FUBP1: variants seen among roughly 807,000 people sequenced by gnomAD.
FUBP1 encodes far upstream element-binding protein 1.
A neutral mutation model predicts 94.9 loss-of-function variants in FUBP1; 16 were observed. The ratio of observed to expected loss-of-function variants is 0.17; its 90% CI spans 0.11 to 0.26. The LOEUF (loss-of-function observed/expected upper bound fraction) is 0.26. FUBP1 is among the 10% of genes least tolerant of loss of function. The pLI, the probability that FUBP1 is intolerant of heterozygous loss-of-function variation, is 1.00. For missense variants in FUBP1, 583 were observed against 808.6 expected, an observed-to-expected ratio of 0.72 and a Z score of 3.38; for synonymous variants, 279 against 254.9, an observed-to-expected ratio of 1.09 and a Z score of -0.90.
At chr1:77,952,143 C>A (rs1400198618) in intron 18 of FUBP1, among the ~76,000 whole-genome samples, 1 of 151,960 alleles carries the variant, frequency 6.6e-6, no homozygotes, top group Non-Finnish European at 1.5e-5. Flanking sequence ...GAGGCTGAGG[C>A]AGAAGAATTG....
At chr1:77,963,775 A>AAAATTATT in intron 12 of FUBP1, 60 bp from the exon 13 acceptor site, 1 of 1,415,620 alleles carries the variant, frequency 7.1e-7, no homozygotes, top group Non-Finnish European at 9.7e-7. Context: ...GTTTCATGAT[A>AAAATTATT]AAATTATTAA....
At chr1:77,978,840 A>G (rs368822573) in intron 1 of FUBP1, 45 bp downstream of exon 1, 1 of 1,612,278 alleles carries the variant, frequency 6.2e-7, no homozygotes, top group South Asian at 1.1e-5. Flanking sequence ...GTCAGCGGCC[A>G]ATTACCGTGA....
chr1:77,964,428 A>G, intron 10 of FUBP1, 72 bp from the exon 11 acceptor site: 2 of 947,662 alleles, frequency 2.1e-6, no homozygotes, highest in Non-Finnish European at 3.2e-6. Context: ...GTATTTTAAA[A>G]AAGCGCCATT....
chr1:77,963,537 T>G, intron 13 of FUBP1, 37 bp downstream of exon 13: 1 of 1,238,928 alleles, frequency 8.1e-7, no homozygotes, highest in Non-Finnish European at 1.2e-6. Context: ...GAAAAATGAA[T>G]AATGTGTTAA....
chr1:77,965,198 T>C lies in FUBP1; in HGVS notation c.507A>G (p.Glu169=). 1 of 1,610,372 alleles carries C rather than the reference T, an allele frequency of 6.2e-7. No homozygotes were observed. The highest frequency in any genetic ancestry group is 2.2e-5 in the East Asian group (1 of 44,726). The change falls in exon 8 of 20, where the codon GAA becomes GAG. Residue 169 remains glutamate (E), a synonymous_variant. Transcript: ENST00000370768. ...SAKRLLDQIV[E]KGRPAPGFHH... Reference sequence around the variant, plus strand: ...GGAAGCCAGGAGCTGGTCTTCCTTTTTCAACAATCTGGTCCAGTAACCGTT... The same window carrying C: ...GGAAGCCAGGAGCTGGTCTTCCTTTCTCAACAATCTGGTCCAGTAACCGTT...
At chr1:77,953,456 A>C (rs998969961) in intron 18 of FUBP1, among the ~76,000 whole-genome samples, 4 of 152,184 alleles carry the variant, frequency 2.6e-5, no homozygotes, top group African/African-American at 9.7e-5. Flanking sequence ...GCGCCACCGC[A>C]CTCCAGCCTG....
chr1:77,948,754 G>A lies in FUBP1; in HGVS notation c.*12C>T. 1 of 1,609,038 alleles carries A rather than the reference G, an allele frequency of 6.2e-7. No homozygotes were observed. The highest frequency in any genetic ancestry group is 1.1e-5 in the South Asian group (1 of 90,758). ...CACACAATGAAGCAAATACTGTATT[G>A]TCCACTTCTTATTATTGGCCCTGTG... On this transcript the variant is annotated 3_prime_UTR_variant, in exon 20 of 20. Coordinates refer to ENST00000370768, the MANE Select transcript of FUBP1 (RefSeq NM_003902.5).
intron 14 of FUBP1, 87 bp from the exon 15 acceptor site, chr1:77,960,582 C>T (rs1655270579): frequency 2.8e-6 from 3 of 1,088,160 alleles, no homozygotes; most frequent in Admixed American, 3.3e-5. Context: ...CCATTTCTAC[C>T]CTCTTATAGT....
In FUBP1 at chr1:77,964,117, G is replaced by A. The variant is rs1246119488; in HGVS notation, c.986C>T (p.Pro329Leu). 6.2e-7 allele frequency: 1 copy of A among 1,609,124 alleles called. No individual in the cohort carries two copies. The highest frequency in any genetic ancestry group is 8.5e-7 in the Non-Finnish European group (1 of 1,175,432). The change falls in exon 12 of 20, where the codon CCA (proline) becomes CTA (leucine). Residue 329 changes from proline (P) to leucine (L), a missense_variant. Pro to Leu is a moderately conservative substitution (Grantham distance 98). Transcript: ENST00000370768. ...TTCTGCAGCATGTTGACATCGGTCT[G>A]GAGGTCCTGTTATTTGTGCTATCCT... Reference protein sequence around the residue: ...PERIAQITGPPDRCQHAAEII... With the variant: ...PERIAQITGPLDRCQHAAEII...
chr1:77,957,570 T>A (rs890247216), intron 16 of FUBP1, among the ~76,000 whole-genome samples: 1 of 152,230 alleles, frequency 6.6e-6, no homozygotes, highest in Non-Finnish European at 1.5e-5. Flanking sequence ...TCTTTTATAC[T>A]AGGAATACCA....
Position 77,949,447 on chromosome 1 carries a change from C to A in FUBP1, c.1781-147G>T, listed in dbSNP as rs536275807. On this transcript the variant is annotated intron_variant, in intron 18 of 19. Coordinates refer to ENST00000370768, the MANE Select transcript of FUBP1 (RefSeq NM_003902.5). ...TGCCCTTGTTGACCAAAAAAAAAAA[C>A]CCCTAAACTTTAATATAAAATTACA... is the stretch of plus-strand genomic sequence containing the variant. 5.0e-3 allele frequency: 2,844 copies of A among 573,924 alleles called. 8 individuals are homozygous for A. Among genetic ancestry groups the A allele is most frequent in the Non-Finnish European group, 5.5e-3 (1,823 of 331,358 alleles). The allele number at this position is 573,924 out of a possible 1,614,324, so 35.6% of individuals were successfully genotyped here.
chr1:77,958,952 T>G (rs1654964677), intron 16 of FUBP1, among the ~76,000 whole-genome samples: 1 of 152,210 alleles, frequency 6.6e-6, no homozygotes, highest in Admixed American at 6.5e-5. Context: ...CCATCAGTGT[T>G]GCTTACGCTG....
chr1:77,958,173 T>C (rs1032976914), intron 16 of FUBP1, among the ~76,000 whole-genome samples: 63 of 152,360 alleles, frequency 4.1e-4, no homozygotes, highest in South Asian at 2.3e-3. Context: ...AAACAGACTT[T>C]AGGAAGTGGT....
At chr1:77,961,313 T>A (rs1056067567) in intron 14 of FUBP1, among the ~76,000 whole-genome samples, 1 of 152,228 alleles carries the variant, frequency 6.6e-6, no homozygotes, top group Non-Finnish European at 1.5e-5. Context: ...AATTTCTCAC[T>A]GCAAAATAGG....
At chr1:77,955,122 T>G (rs1654207487) in intron 18 of FUBP1, 133 bp downstream of exon 18, 1 of 563,058 alleles carries the variant, frequency 1.8e-6, no homozygotes, top group African/African-American at 2.0e-5. Context: ...ACCACAAATT[T>G]AAAAACTATA....
Position 77,947,501 on chromosome 1 carries a change from G to T in FUBP1, c.*1265C>A. 1 of 1,332,356 alleles carries T rather than the reference G, an allele frequency of 7.5e-7. No individual in the cohort carries two copies. The highest frequency in any genetic ancestry group is 9.9e-7 in the Non-Finnish European group (1 of 1,008,170). 82.5% of individuals were successfully genotyped at this position (1,332,356 alleles called of 1,614,324 possible). On this transcript the variant is annotated 3_prime_UTR_variant, in exon 20 of 20. Transcript: ENST00000370768. The stretch of plus-strand genomic sequence containing the variant: ...ACAATCAAGGATGATACACAGCACA[G>T]TCCTCCTCACCCCTACAGAGCTAGT...
intron 16 of FUBP1, among the ~76,000 whole-genome samples, chr1:77,959,463 T>C (rs2102338223): frequency 6.6e-6 from 1 of 152,320 alleles, no homozygotes; most frequent in African/African-American, 2.4e-5. Flanking sequence ...AGATATCTTA[T>C]TTGACAATTT....
intron 1 of FUBP1, among the ~76,000 whole-genome samples, chr1:77,972,001 T>C (rs1289379290): frequency 7.9e-6 from 1 of 126,024 alleles, no homozygotes; most frequent in Non-Finnish European, 1.6e-5. Context: ...TGAGACTCTG[T>C]CTCAAAAAAA....
Position 77,947,088 on chromosome 1 carries a change from T to C in FUBP1, c.*1678A>G, listed in dbSNP as rs1475157525. On this transcript the variant is annotated 3_prime_UTR_variant, in exon 20 of 20. Transcript: ENST00000370768. Reference sequence around the variant, plus strand: ...GCTACATTGCTCATTATTTGCAAACTGAAATCCCCTTCTGTCTGATACATT... The same window carrying C: ...GCTACATTGCTCATTATTTGCAAACCGAAATCCCCTTCTGTCTGATACATT... The C allele has an allele frequency of 4.9e-6, 1 of 206,046 alleles. No homozygotes were observed. The highest frequency in any genetic ancestry group is 9.9e-6 in the Non-Finnish European group (1 of 100,778). 12.8% of individuals were successfully genotyped at this position (206,046 alleles called of 1,614,324 possible).
Sources: allele counts gnomAD v4.1 joint callset (sites outside exome capture counted in the v4.1 genomes callset), GRCh38; gene constraint gnomAD v4.1.1; transcripts MANE v1.5; gene names NCBI Gene and HGNC (gene_info 2026-07-23, HGNC 2026-07-21).